Variants in STARD13 observed in about 807,000 individuals in gnomAD.
STARD13 encodes the protein StAR related lipid transfer domain containing 13.
STARD13 carries 62 observed loss-of-function variants against 106.4 expected under a neutral mutation model. The ratio of observed to expected loss-of-function variants is 0.58; its 90% CI spans 0.48 to 0.72. STARD13 has a LOEUF of 0.72. Ranked by LOEUF, STARD13 falls within the 30% of genes least tolerant of loss-of-function variation. The pLI is 0.00. For synonymous variants in STARD13, 565 were observed against 553.0 expected (o/e 1.02, Z -0.31); for missense variants, 1,387 against 1,424.0 (o/e 0.97, Z 0.42).
At chr13:33,442,338 C>G in the STARD13 span, among the ~76,000 whole-genome samples, 2 of 152,108 alleles carry the variant, frequency 1.3e-5, no homozygotes, top group African/African-American at 4.8e-5. Flanking sequence ...GCTAACAGAG[C>G]TACTCATACA....
chr13:33,350,524 T>C, exon 1 of STARD13: 3 of 1,443,556 alleles, frequency 2.1e-6, no homozygotes, highest in Non-Finnish European at 2.7e-6. Flanking sequence ...CCCGCCGGGG[T>C]CCCGGGACCC....
the STARD13 span, among the ~76,000 whole-genome samples, chr13:33,390,658 G>A: frequency 6.6e-6 from 1 of 152,188 alleles, no homozygotes; most frequent in South Asian, 2.1e-4. Flanking sequence ...CAAGTATGAA[G>A]AGAGAGTTGT....
chr13:33,648,436 C>A, the STARD13 span, among the ~76,000 whole-genome samples: 2 of 152,172 alleles, frequency 1.3e-5, no homozygotes, highest in African/African-American at 4.8e-5. Flanking sequence ...GCTATGCAGA[C>A]TAGGTAAGTT....
intron 1 of STARD13, 125 bp downstream of exon 1, chr13:33,285,345 G>T (rs1165805589): frequency 2.9e-6 from 3 of 1,021,856 alleles, no homozygotes; most frequent in Non-Finnish European, 4.3e-6. Context: ...AAAGTTACGG[G>T]TAGTGTGGCA....
At chr13:33,519,205 ATTTTTTCTTTCTTTCTT>A in the STARD13 span, among the ~76,000 whole-genome samples, 283 of 86,898 alleles carry the variant, frequency 3.3e-3, no homozygotes, top group African/African-American at 0.011. Flanking sequence ...CCTCTTGGTA[ATTTTTTCTTTCTTTCTT>A]TCTTTCTTTC....
chr13:33,109,749 G>C, intron 12 of STARD13, 124 bp downstream of exon 12: 1 of 835,952 alleles, frequency 1.2e-6, no homozygotes, highest in Admixed American at 2.3e-5. Flanking sequence ...AGGGAAACAA[G>C]AGCCGGCTTA....
At position 33,129,903 on chromosome 13, in the gene STARD13, T is replaced by C. The variant is rs147647189; in HGVS notation, c.774A>G (p.Ser258=). The C allele has an allele frequency of 3.1e-6, 5 of 1,613,230 alleles. No individual in the cohort carries two copies. The African/African-American group carries it at 6.7e-5, about 22-fold the overall frequency. The part of the protein sequence containing the change: ...NEKPTRARAK[S]FLKRMETLRG... ...GGAGTGTTTCCATGCGTTTCAAAAATGATTTGGCCCTAGCCCTCGTGGGCT... is the reference window on the plus strand; with the variant it reads ...GGAGTGTTTCCATGCGTTTCAAAAACGATTTGGCCCTAGCCCTCGTGGGCT... The change falls in exon 5 of 14, where the codon TCA becomes TCG. Residue 258 remains serine, a synonymous_variant. Coordinates refer to ENST00000336934, the MANE Select transcript of STARD13 (RefSeq NM_178006.4).
chr13:33,112,731 T>C lies in STARD13; in HGVS notation c.2482A>G (p.Ser828Gly). Residue 828 changes from serine (S) to glycine (G), a missense_variant, in exon 9 of 14, where the codon AGC becomes GGC. Transcript: ENST00000336934. ...AGAAAAAAAACCCACCGTGGAGAGC[T>C]TTCTTTCTTCAATAAATTAAGATGA... ...LFHLNLLKKE[S>G]SPRVIQKKYA... 1.3e-6 allele frequency: 2 copies of C among 1,598,970 alleles called. No homozygotes were observed. Among genetic ancestry groups the C allele is most frequent in the Non-Finnish European group, 1.7e-6 (2 of 1,173,230 alleles).
At chr13:33,404,997 T>C in the STARD13 span, among the ~76,000 whole-genome samples, 2 of 152,046 alleles carry the variant, frequency 1.3e-5, no homozygotes, top group African/African-American at 4.8e-5. Flanking sequence ...GGCTGGTCTC[T>C]AACTCCTGGT....
chr13:33,324,395 T>C (rs1483476343), intron 1 of STARD13, among the ~76,000 whole-genome samples: 3 of 152,222 alleles, frequency 2.0e-5, no homozygotes, highest in African/African-American at 7.2e-5. Context: ...GGGCTGATAC[T>C]GAACTTAGAA....
chr13:33,435,919 T>C, the STARD13 span, among the ~76,000 whole-genome samples: 1 of 152,194 alleles, frequency 6.6e-6, no homozygotes, highest in Non-Finnish European at 1.5e-5. Context: ...ATAGGTACAC[T>C]CCATATAGTA....
the STARD13 span, among the ~76,000 whole-genome samples, chr13:33,549,134 T>C: frequency 2.0e-5 from 3 of 152,202 alleles, no homozygotes; most frequent in African/African-American, 7.2e-5. Flanking sequence ...CTTCATACAG[T>C]TCAGCAAAGG....
the STARD13 span, among the ~76,000 whole-genome samples, chr13:33,509,074 C>T: frequency 6.6e-6 from 1 of 152,180 alleles, no homozygotes; most frequent in African/African-American, 2.4e-5. Context: ...TAGATGCACT[C>T]TGTTGTTGAC....
chr13:33,169,718 T>C (rs1429098298), intron 1 of STARD13, among the ~76,000 whole-genome samples: 1 of 152,172 alleles, frequency 6.6e-6, no homozygotes, highest in African/African-American at 2.4e-5. Context: ...GAAGAACAAA[T>C]GGGGAAGACC....
chr13:33,545,396 G>T, the STARD13 span, among the ~76,000 whole-genome samples: 1 of 152,182 alleles, frequency 6.6e-6, no homozygotes, highest in East Asian at 1.9e-4. Flanking sequence ...TGCCTGGCCC[G>T]AAAGGTGAAT....
the STARD13 span, among the ~76,000 whole-genome samples, chr13:33,385,912 A>T: frequency 6.6e-6 from 1 of 151,978 alleles, no homozygotes; most frequent in African/African-American, 2.4e-5. Flanking sequence ...TAAAAAGCTT[A>T]AACTTAAGCC....
At chr13:33,202,472 C>T (rs1299260334) in intron 1 of STARD13, among the ~76,000 whole-genome samples, 5 of 152,188 alleles carry the variant, frequency 3.3e-5, no homozygotes, top group Non-Finnish European at 7.3e-5. Flanking sequence ...ATTACTTGAA[C>T]ACCAACCAGA....
chr13:33,521,058 AC>A, the STARD13 span, among the ~76,000 whole-genome samples: 1 of 152,010 alleles, frequency 6.6e-6, no homozygotes, highest in Non-Finnish European at 1.5e-5. Flanking sequence ...CTCATCTCCA[AC>A]CAACGCACAG....
chr13:33,183,517 T>A (rs1386215613), intron 1 of STARD13, among the ~76,000 whole-genome samples: 1 of 152,242 alleles, frequency 6.6e-6, no homozygotes, highest in Non-Finnish European at 1.5e-5. Context: ...CAGGCTTTCA[T>A]AGCTTTCTGT....
Sources: gnomAD v4.1 joint callset for allele counts (sites outside exome capture counted in the v4.1 genomes callset) on GRCh38, gnomAD v4.1.1 for gene constraint, MANE v1.5 for transcripts, NCBI Gene and HGNC (gene_info 2026-07-23, HGNC 2026-07-21) for gene names.